The following UNC5B variants were observed in gnomAD, a reference collection of about 807,000 sequenced individuals.
UNC5B encodes the protein netrin receptor UNC5B.
In UNC5B, 56 loss-of-function variants were observed where a neutral mutation model predicts 103.7. The observed-to-expected ratio is 0.54, with a 90% CI of 0.44 to 0.67. The LOEUF (loss-of-function observed/expected upper bound fraction) is 0.67, where lower values mean the gene tolerates loss of function less well. Ranked by LOEUF, UNC5B falls within the 30% of genes least tolerant of loss-of-function variation. The probability of loss-of-function intolerance (pLI) is 0.00; values close to 1 mark genes in which losing one functional copy is unlikely to be tolerated. For synonymous variants in UNC5B, 577 were observed against 542.0 expected, an observed-to-expected ratio of 1.06 and a Z score of -0.90; for missense variants, 1,194 against 1,284.5, an observed-to-expected ratio of 0.93 and a Z score of 1.08.
chr10:71,237,317 G>A (rs555008128), intron 1 of UNC5B, among the ~76,000 whole-genome samples: 66 of 152,304 alleles, frequency 4.3e-4, no homozygotes, highest in Non-Finnish European at 7.5e-4. Context: ...TTTAGCCCAT[G>A]TGAGCCTCGT....
chr10:71,285,527 C>G (rs6415905), intron 4 of UNC5B, 98 bp downstream of exon 4: 911,540 of 1,085,212 alleles, frequency 0.84, 386,717 homozygotes, highest in Non-Finnish European at 0.87. Context: ...GTGCTAGTCT[C>G]CCAGAGCCCT....
intron 1 of UNC5B, among the ~76,000 whole-genome samples, chr10:71,240,335 A>G (rs1456587149): frequency 6.6e-6 from 1 of 152,226 alleles, no homozygotes; most frequent in Non-Finnish European, 1.5e-5. Context: ...GGATACTTCA[A>G]TTCCTCTTCT....
chr10:71,263,451 C>T (rs772193217), intron 1 of UNC5B, among the ~76,000 whole-genome samples: 1 of 152,184 alleles, frequency 6.6e-6, no homozygotes, highest in Non-Finnish European at 1.5e-5. Flanking sequence ...GGCCAGAGAG[C>T]TCGAGCTGAG....
intron 1 of UNC5B, among the ~76,000 whole-genome samples, chr10:71,243,401 G>A (rs935793781): frequency 2.6e-5 from 4 of 152,156 alleles, no homozygotes; most frequent in African/African-American, 9.7e-5. Context: ...TCTTCTGCCT[G>A]CACTGCCCAG....
At chr10:71,285,951 G>A (rs747385818) in intron 4 of UNC5B, among the ~76,000 whole-genome samples, 1 of 152,188 alleles carries the variant, frequency 6.6e-6, no homozygotes, top group Non-Finnish European at 1.5e-5. Flanking sequence ...GTGGACGGCT[G>A]GGGCAGTCAG....
chr10:71,281,780 G>C (rs2132300356), intron 2 of UNC5B, among the ~76,000 whole-genome samples: 1 of 152,360 alleles, frequency 6.6e-6, no homozygotes, highest in South Asian at 2.1e-4. Context: ...GTTGACTGAA[G>C]GTCCTGGTGA....
At chr10:71,231,366 G>A (rs1210410838) in intron 1 of UNC5B, among the ~76,000 whole-genome samples, 14 of 152,200 alleles carry the variant, frequency 9.2e-5, no homozygotes, top group Non-Finnish European at 1.8e-4. Flanking sequence ...TGAGCTTGGC[G>A]TGGCTGGCTC....
intron 15 of UNC5B, among the ~76,000 whole-genome samples, chr10:71,297,444 A>T (rs1359576365): frequency 6.6e-6 from 1 of 152,236 alleles, no homozygotes; most frequent in Non-Finnish European, 1.5e-5. Flanking sequence ...ATTGAGATTT[A>T]AAAACCCAGG....
At chr10:71,278,940 C>T (rs915011364) in intron 1 of UNC5B, among the ~76,000 whole-genome samples, 6 of 152,284 alleles carry the variant, frequency 3.9e-5, no homozygotes, top group African/African-American at 9.6e-5. Flanking sequence ...GTTTCCCCCG[C>T]TTCTGGGCAC....
At chr10:71,296,480 C>A (rs1845414974) in intron 14 of UNC5B, 98 bp from the exon 15 acceptor site, 17 of 1,408,192 alleles carry the variant, frequency 1.2e-5, no homozygotes, top group Non-Finnish European at 1.6e-5. Flanking sequence ...GAGGCCTGAA[C>A]TGCCCCCCAA....
At chr10:71,260,230 G>A (rs1204495206) in intron 1 of UNC5B, among the ~76,000 whole-genome samples, 2 of 152,254 alleles carry the variant, frequency 1.3e-5, no homozygotes, top group Non-Finnish European at 2.9e-5. Context: ...CCACACCTGA[G>A]AAATCCGGCA....
intron 1 of UNC5B, among the ~76,000 whole-genome samples, chr10:71,221,621 T>A (rs1843454589): frequency 6.6e-6 from 1 of 152,246 alleles, no homozygotes; most frequent in South Asian, 2.1e-4. Context: ...GGCTTTGTGC[T>A]GCTTCTTGAA....
rs1039086302 is a variant in UNC5B at position 71,300,286 on chromosome 10, G to GGGTGGGCCCT, written c.*1010_*1019dup. 7.2e-5 allele frequency: 11 copies of GGGTGGGCCCT among 152,292 alleles called. No individual in the cohort carries two copies. The highest frequency in any genetic ancestry group is 2.6e-4 in the African/African-American group (11 of 41,556). The allele number at this position is 152,292 out of a possible 1,614,324, so 9.4% of individuals were successfully genotyped here. ...GCCAAGGAGTGCTGAGGGCTGGAGT[G>GGGTGGGCCCT]GGTGGGCCCTCCCTCCCACAGCCCC... is the stretch of plus-strand genomic sequence containing the variant. On this transcript the variant is annotated 3_prime_UTR_variant, in exon 17 of 17. Transcript: ENST00000335350.
At chr10:71,243,804 C>T (rs1047387831) in intron 1 of UNC5B, among the ~76,000 whole-genome samples, 1 of 152,278 alleles carries the variant, frequency 6.6e-6, no homozygotes, top group Admixed American at 6.5e-5. Context: ...TTTAAAATCT[C>T]TTCTGTGCCT....
At position 71,300,800 on chromosome 10, in the gene UNC5B, G is replaced by A. The variant is rs529805401; in HGVS notation, c.*1523G>A. ...TCATATGCCCAGGAGTGGAGAAGGA[G>A]GCTGAGAAGCTGGTTTCCCAGCTCT... On this transcript the variant is annotated 3_prime_UTR_variant, in exon 17 of 17. Coordinates refer to ENST00000335350, the MANE Select transcript of UNC5B (RefSeq NM_170744.5). The A allele has an allele frequency of 2.0e-5, 3 of 152,438 alleles. No homozygotes were observed. The highest frequency in any genetic ancestry group is 7.2e-5 in the African/African-American group (3 of 41,562). The allele number at this position is 152,438 out of a possible 1,614,324, so 9.4% of individuals were successfully genotyped here.
At position 71,280,294 on chromosome 10, in the gene UNC5B, C is replaced by G. The variant is rs964446020; in HGVS notation, c.304+249C>G. ...CTTCTGTTAGGGAGCAAGTTCCCGT[C>G]AGGTGGGGGTTCTTGAGCCCTCCCA... On this transcript the variant is annotated intron_variant, in intron 2 of 16. Coordinates refer to ENST00000335350, the MANE Select transcript of UNC5B (RefSeq NM_170744.5). Among the ~76,000 whole-genome samples the G allele has an allele frequency of 2.0e-5, 3 of 152,156 alleles. No homozygotes were observed. In the South Asian group the frequency reaches 6.2e-4, roughly 32 times the overall value.
rs1390568069 is a variant in UNC5B, at chr10:71,287,611, G to A, written c.747G>A (p.Trp249Ter). 2 of 1,599,188 alleles carry A rather than the reference G, an allele frequency of 1.3e-6. No homozygotes were observed. Among genetic ancestry groups the A allele is most frequent in the Non-Finnish European group, 1.7e-6 (2 of 1,173,560 alleles). The part of the protein sequence containing the change: ...ATVIVYVNGG[W>*]SSWAEWSPCS... Reference sequence around the variant, plus strand: ...GCCGCCTTGCAGTGAATGGCGGCTGGTCCAGCTGGGCAGAGTGGTCACCCT... The same window carrying A: ...GCCGCCTTGCAGTGAATGGCGGCTGATCCAGCTGGGCAGAGTGGTCACCCT... Residue 249 changes from tryptophan (W) to a stop codon, truncating the protein, a stop_gained, in exon 6 of 17, where the codon TGG (tryptophan) becomes TGA (stop). Coordinates refer to ENST00000335350, the MANE Select transcript of UNC5B (RefSeq NM_170744.5). LOFTEE classifies it high-confidence loss of function.
intron 1 of UNC5B, among the ~76,000 whole-genome samples, chr10:71,264,920 G>T (rs1199595050): frequency 1.3e-5 from 2 of 149,646 alleles, no homozygotes; most frequent in African/African-American, 2.5e-5. Flanking sequence ...GATTGCTGGA[G>T]CCCAGGAGTT....
At position 71,213,728 on chromosome 10, in the gene UNC5B, A is replaced by AGTGAGTGTGTGTGTGTGT. The variant is rs1554858464; in HGVS notation, c.79+667_79+668insAGTGTGTGTGTGTGTGTG. Among the ~76,000 whole-genome samples, 2 of 131,474 alleles carry AGTGAGTGTGTGTGTGTGT rather than the reference A, an allele frequency of 1.5e-5. No homozygotes were observed. Among genetic ancestry groups the AGTGAGTGTGTGTGTGTGT allele is most frequent in the African/African-American group, 5.8e-5 (2 of 34,208 alleles). The allele number at this position is 131,474 out of a possible 152,430, so 86.3% of individuals were successfully genotyped here. On this transcript the variant is annotated intron_variant, in intron 1 of 16. Transcript: ENST00000335350. The surrounding 1 kb of genome is among the most constrained non-coding windows in gnomAD (Gnocchi z 4.1). ...ATTATTAATTTTCTGAGTGTTGGAG[A>AGTGAGTGTGTGTGTGTGT]GTGTGTGTGTGTGTGTGTGTGTGTG... is the stretch of plus-strand genomic sequence containing the variant.
Sources: gnomAD v4.1 joint callset for allele counts (sites outside exome capture counted in the v4.1 genomes callset) on GRCh38, gnomAD v4.1.1 for gene constraint, Gnocchi (gnomAD v3.1) non-coding constraint, MANE v1.5 for transcripts, NCBI Gene and HGNC (gene_info 2026-07-23, HGNC 2026-07-21) for gene names.